Variants in ZNF429 observed in about 807,000 individuals in gnomAD.
ZNF429 encodes zinc finger protein 429.
ZNF429 carries 53 observed loss-of-function variants against 56.8 expected under a neutral mutation model. That is an observed-to-expected ratio of 0.93 (90% confidence interval 0.75 to 1.17). ZNF429 has a LOEUF of 1.17. ZNF429 is among the 50% of genes most tolerant of loss of function. The probability of loss-of-function intolerance (pLI) is 0.00; values close to 1 mark genes in which losing one functional copy is unlikely to be tolerated. For missense variants in ZNF429, 849 were observed against 788.4 expected (o/e 1.08, Z -0.92); for synonymous variants, 278 against 264.7 (o/e 1.05, Z -0.49).
intron 3 of ZNF429, among the ~76,000 whole-genome samples, chr19:21,534,794 T>TG: frequency 3.3e-4 from 8 of 24,308 alleles, no homozygotes; most frequent in Admixed American, 1.3e-3. Context: ...TTTTTTGTGT[T>TG]TTTTTTTTTT....
chr19:21,523,720 A>G (rs2033067169), intron 1 of ZNF429, among the ~76,000 whole-genome samples: 1 of 151,686 alleles, frequency 6.6e-6, no homozygotes, highest in African/African-American at 2.4e-5. Flanking sequence ...GTCAACTTGA[A>G]TCTTTGCCCG....
chr19:21,530,147 C>T, intron 2 of ZNF429, among the ~76,000 whole-genome samples: 1 of 149,148 alleles, frequency 6.7e-6, no homozygotes, highest in Non-Finnish European at 1.5e-5. Flanking sequence ...GCGGAGATAG[C>T]ACCACTGCAG....
At position 21,535,361 on chromosome 19, in the gene ZNF429, CTTTCTTTCTTTCTTTCTTTTTTACTT is replaced by C; in HGVS notation, c.227-917_227-892del. ...TTTCTTTCCTTTCCTTTCTTTTCTT[CTTTCTTTCTTTCTTTCTTTTTTACTT>C]TCTTTCTTTCTTTCTTTCTTTTTCT... On this transcript the variant is annotated intron_variant, in intron 3 of 3. Transcript: ENST00000358491. 1.6e-4 allele frequency among the ~76,000 whole-genome samples: 7 copies of C among 43,992 alleles called. 1 individual carries two copies. The highest frequency in any genetic ancestry group is 5.5e-4 in the African/African-American group (7 of 12,840). 28.9% of individuals were successfully genotyped at this position (43,992 alleles called of 152,430 possible). A position where few individuals can be genotyped will look rare whatever the true frequency, so the allele number is the denominator to read the frequency against.
chr19:21,536,054 C>T lies in ZNF429; in HGVS notation c.227-226C>T. On this transcript the variant is annotated intron_variant, in intron 3 of 3. Coordinates refer to ENST00000358491, the MANE Select transcript of ZNF429 (RefSeq NM_001001415.4). ...ATTCTATGTGACTCTTTGCATTGTA[C>T]TCACCTGGGGCGTTGTACACATATA... 2.0e-5 allele frequency among the ~76,000 whole-genome samples: 3 copies of T among 152,148 alleles called. No individual in the cohort carries two copies. In the East Asian group the frequency reaches 5.8e-4, roughly 29 times the overall value.
chr19:21,533,733 G>A, intron 3 of ZNF429, among the ~76,000 whole-genome samples: 5 of 144,160 alleles, frequency 3.5e-5, no homozygotes, highest in African/African-American at 1.3e-4. Context: ...TCAGCTCACT[G>A]CAACCTGTTT....
Position 21,537,629 on chromosome 19 carries a change from C to T in ZNF429, c.1576C>T (p.Gln526Ter). The T allele has an allele frequency of 6.2e-7, 1 of 1,605,686 alleles. No homozygotes were observed. The highest frequency in any genetic ancestry group is 8.5e-7 in the Non-Finnish European group (1 of 1,177,206). Residue 526 changes from glutamine (Q) to a stop codon, truncating the protein, a stop_gained, in exon 4 of 4, where the codon CAA (glutamine) becomes TAA (stop). Transcript: ENST00000358491. LOFTEE classifies it high-confidence loss of function. ...KAFILSSRLT[Q>*]HKKIHTGEKP... is the part of the protein sequence containing the mutation. ...TTTTATCCTGTCCTCAAGACTTACT[C>T]AACATAAGAAAATTCATACTGGAGA... is the stretch of plus-strand genomic sequence containing the variant.
intron 3 of ZNF429, among the ~76,000 whole-genome samples, chr19:21,534,206 G>C: frequency 6.6e-6 from 1 of 152,158 alleles, no homozygotes; most frequent in Non-Finnish European, 1.5e-5. Context: ...ATCACTGTCT[G>C]TTGTATTGAC....
chr19:21,531,038 G>A, intron 3 of ZNF429, among the ~76,000 whole-genome samples: 2,814 of 148,350 alleles, frequency 0.019, 85 homozygotes, highest in African/African-American at 0.065. Flanking sequence ...TCTGGGAGGC[G>A]GAGGTTGCAG....
chr19:21,505,821 C>T (rs373886181), intron 1 of ZNF429, 47 bp downstream of exon 1: 1 of 1,603,858 alleles, frequency 6.2e-7, no homozygotes, highest in South Asian at 1.1e-5. Flanking sequence ...AGGGGCTGGT[C>T]GGAACCGTGA....
chr19:21,535,329 C>T, intron 3 of ZNF429, among the ~76,000 whole-genome samples: 736 of 28,096 alleles, frequency 0.026, 47 homozygotes, highest in African/African-American at 0.068. Flanking sequence ...CTTTCTTTCT[C>T]TTTTCTTTTC....
At chr19:21,521,124 A>G (rs2032971992) in intron 1 of ZNF429, among the ~76,000 whole-genome samples, 1 of 152,256 alleles carries the variant, frequency 6.6e-6, no homozygotes, top group African/African-American at 2.4e-5. Flanking sequence ...TTGTTACAGT[A>G]GATATTAGTC....
chr19:21,518,879 A>G (rs998959914), intron 1 of ZNF429: 1 of 152,192 alleles, frequency 6.6e-6, no homozygotes, highest in Non-Finnish European at 1.5e-5. Flanking sequence ...CTTTATCTTT[A>G]TCAAGTTGTG....
At chr19:21,517,943 G>T (rs764256149) in intron 1 of ZNF429, among the ~76,000 whole-genome samples, 1 of 151,592 alleles carries the variant, frequency 6.6e-6, no homozygotes, top group Non-Finnish European at 1.5e-5. Flanking sequence ...ACGGGCACCC[G>T]CCACCATGCC....
At chr19:21,506,777 T>TG (rs1197981719) in intron 1 of ZNF429, among the ~76,000 whole-genome samples, 1 of 146,712 alleles carries the variant, frequency 6.8e-6, no homozygotes, top group African/African-American at 2.5e-5. Context: ...GTTTTTTTTT[T>TG]TTTTTTTTTG....
At chr19:21,534,402 AGC>A in intron 3 of ZNF429, among the ~76,000 whole-genome samples, 14 of 118,700 alleles carry the variant, frequency 1.2e-4, no homozygotes, top group Admixed American at 1.7e-4. Context: ...TTGAGACAGG[AGC>A]TTACTCTGTC....
At chr19:21,531,462 C>G in intron 3 of ZNF429, among the ~76,000 whole-genome samples, 2 of 152,058 alleles carry the variant, frequency 1.3e-5, no homozygotes, top group African/African-American at 4.8e-5. Flanking sequence ...GTTAATGCCT[C>G]TATTTTAATA....
At chr19:21,533,977 G>A in intron 3 of ZNF429, among the ~76,000 whole-genome samples, 1 of 152,054 alleles carries the variant, frequency 6.6e-6, no homozygotes, top group Non-Finnish European at 1.5e-5. Flanking sequence ...TTTCTGTGCT[G>A]TGTATTCTAT....
rs1229591215 is a variant in ZNF429 at position 21,506,443 on chromosome 19, C to CAAA, written c.3+685_3+687dup. 2.1e-3 allele frequency among the ~76,000 whole-genome samples: 213 copies of CAAA among 99,220 alleles called. 3 individuals are homozygous for CAAA. The highest frequency in any genetic ancestry group is 7.1e-3 in the African/African-American group (194 of 27,476). The allele number at this position is 99,220 out of a possible 152,430, so 65.1% of individuals were successfully genotyped here. A position where few individuals can be genotyped will look rare whatever the true frequency, so the allele number is the denominator to read the frequency against. ...GTTGACACAATGAGACTATCTCAAACAAAAAAAAAAAAAAAAAAGGGGAGT... is the reference window on the plus strand; with the variant it reads ...GTTGACACAATGAGACTATCTCAAACAAAAAAAAAAAAAAAAAAAAAGGGGAGT... On this transcript the variant is annotated intron_variant, in intron 1 of 3. Transcript: ENST00000358491.
At position 21,515,240 on chromosome 19, in the gene ZNF429, CT is replaced by C. The variant is rs35926199; in HGVS notation, c.3+9485del. Among the ~76,000 whole-genome samples the C allele has an allele frequency of 4.9e-3, 625 of 128,112 alleles. 1 individual carries two copies. Among genetic ancestry groups the C allele is most frequent in the Non-Finnish European group, 6.5e-3 (397 of 60,742 alleles). The allele number at this position is 128,112 out of a possible 152,430, so 84.0% of individuals were successfully genotyped here. On this transcript the variant is annotated intron_variant, in intron 1 of 3. Transcript: ENST00000358491. ...ACAACTGTGAGCCACTGTGCCTGGC[CT>C]TTTTTTTTTTTTTTTTTTACTTTTT...
Sources: gnomAD v4.1 joint callset for allele counts (sites outside exome capture counted in the v4.1 genomes callset) on GRCh38, gnomAD v4.1.1 for gene constraint, MANE v1.5 for transcripts, NCBI Gene and HGNC (gene_info 2026-07-23, HGNC 2026-07-21) for gene names.